Variants in HSPBP1 observed in about 807,000 individuals in gnomAD.
HSPBP1 encodes the protein hsp70-binding protein 1.
HSPBP1 carries 31 observed loss-of-function variants against 41.7 expected under a neutral mutation model. That is an observed-to-expected ratio of 0.74 (90% CI 0.56 to 1.00). The LOEUF (loss-of-function observed/expected upper bound fraction) is 1.00. Among genes scored for constraint, HSPBP1 ranks in the 50% least tolerant of loss-of-function variants. The pLI is 0.00. For synonymous variants in HSPBP1, 199 were observed against 214.4 expected (o/e 0.93, Z 0.63); for missense variants, 439 against 487.9 (o/e 0.90, Z 0.94).
rs1203813893 is a variant in HSPBP1, at chr19:55,268,741, TCACTGCGACATACGTCTCTC to T, written c.641-2475_641-2456del. On this transcript the variant is annotated intron_variant, in intron 4 of 7. Coordinates refer to ENST00000433386, the MANE Select transcript of HSPBP1 (RefSeq NM_012267.5). The surrounding 1 kb of genome is among the most constrained non-coding windows in gnomAD (Gnocchi z 4.5). ...AGGCTGGAGTGCAGTGGCAGTTGGC[TCACTGCGACATACGTCTCTC>T]GGGTTCAAGCAATTTTTATGCCTCA... 1.3e-3 allele frequency among the ~76,000 whole-genome samples: 193 copies of T among 152,284 alleles called. 2 individuals are homozygous for T. In the East Asian group the frequency reaches 0.021, roughly 17 times the overall value.
In HSPBP1 at chr19:55,268,750, C is replaced by T. The variant is rs1254704690; in HGVS notation, c.641-2464G>A. ...TGCAGTGGCAGTTGGCTCACTGCGA[C>T]ATACGTCTCTCGGGTTCAAGCAATT... On this transcript the variant is annotated intron_variant, in intron 4 of 7. Transcript: ENST00000433386. This position sits in a 1 kb window ranked among gnomAD's most constrained non-coding sequence, Gnocchi z 4.5. 1.3e-5 allele frequency among the ~76,000 whole-genome samples: 2 copies of T among 151,768 alleles called. No homozygotes were observed. Among genetic ancestry groups the T allele is most frequent in the Non-Finnish European group, 2.9e-5 (2 of 68,038 alleles).
At chr19:55,273,199 A>T (rs2087971237) in intron 4 of HSPBP1, among the ~76,000 whole-genome samples, 1 of 152,156 alleles carries the variant, frequency 6.6e-6, no homozygotes, top group Non-Finnish European at 1.5e-5. Context: ...TATGTTGCCC[A>T]GGCTGGTCTC....
In HSPBP1 at chr19:55,279,452, T is replaced by C. The variant is rs980776973; in HGVS notation, c.157A>G (p.Ile53Val). 3 of 1,605,264 alleles carry C rather than the reference T, an allele frequency of 1.9e-6. No individual in the cohort carries two copies. The highest frequency in any genetic ancestry group is 3.6e-5 in the Admixed American group (2 of 55,900). ...RNLQGLLQMA[I>V]TAGSEEPDPP... is the part of the protein sequence containing the mutation. The stretch of plus-strand genomic sequence containing the variant: ...TCTGGCTCTTCAGAGCCCGCGGTGA[T>C]GGCCATCTGCAGCAAGCCTTGGAGG... Residue 53 changes from isoleucine to valine, a missense_variant, in exon 2 of 8, where the codon ATC (isoleucine) becomes GTC (valine). Transcript: ENST00000433386.
At chr19:55,266,628 A>T (rs1239596883) in intron 4 of HSPBP1, among the ~76,000 whole-genome samples, 2 of 146,324 alleles carry the variant, frequency 1.4e-5, no homozygotes, top group African/African-American at 5.1e-5. Flanking sequence ...CACTACCATT[A>T]ACAATATAAT....
intron 3 of HSPBP1, among the ~76,000 whole-genome samples, chr19:55,276,164 C>T (rs2122875986): frequency 6.6e-6 from 1 of 151,218 alleles, no homozygotes; most frequent in East Asian, 1.9e-4. Flanking sequence ...CATGGGCACG[C>T]CGCCTTTAGC....
chr19:55,273,156 AT>A (rs1231538895), intron 4 of HSPBP1, among the ~76,000 whole-genome samples: 1 of 151,990 alleles, frequency 6.6e-6, no homozygotes, highest in African/African-American at 2.4e-5. Context: ...CGTCCAGCTA[AT>A]TTTTTAATTT....
chr19:55,272,197 A>G lies in HSPBP1; in HGVS notation c.640+2201T>C, dbSNP rs1007956555. On this transcript the variant is annotated intron_variant, in intron 4 of 7. Transcript: ENST00000433386. This position sits in a 1 kb window ranked among gnomAD's most constrained non-coding sequence, Gnocchi z 4.2. Reference sequence around the variant, plus strand: ...CAAATGTCCATAAAAACACCTGCGCAGCTATGTCCACAGGAGCACGAGAGC... The same window carrying G: ...CAAATGTCCATAAAAACACCTGCGCGGCTATGTCCACAGGAGCACGAGAGC... Among the ~76,000 whole-genome samples the G allele has an allele frequency of 3.3e-5, 5 of 152,244 alleles. No individual in the cohort carries two copies. Among genetic ancestry groups the G allele is most frequent in the African/African-American group, 1.2e-4 (5 of 41,472 alleles).
At chr19:55,274,345 GCA>G in intron 4 of HSPBP1, 51 bp downstream of exon 4, 3 of 552,678 alleles carry the variant, frequency 5.4e-6, no homozygotes, top group South Asian at 1.9e-5. Context: ...GGCCCACCCG[GCA>G]CCCCCCCCCA....
intron 7 of HSPBP1, among the ~76,000 whole-genome samples, chr19:55,263,855 T>C (rs1207510342): frequency 6.6e-6 from 1 of 152,212 alleles, no homozygotes; most frequent in Admixed American, 6.5e-5. Flanking sequence ...TCTTGTATTT[T>C]CAACCATGTG....
chr19:55,270,623 T>C lies in HSPBP1; in HGVS notation c.640+3775A>G, dbSNP rs1404617838. Among the ~76,000 whole-genome samples the C allele has an allele frequency of 2.0e-5, 3 of 152,126 alleles. No homozygotes were observed. The highest frequency in any genetic ancestry group is 2.9e-5 in the Non-Finnish European group (2 of 68,010). On this transcript the variant is annotated intron_variant, in intron 4 of 7. Coordinates refer to ENST00000433386, the MANE Select transcript of HSPBP1 (RefSeq NM_012267.5). The surrounding 1 kb of genome is among the most constrained non-coding windows in gnomAD (Gnocchi z 5.4). ...AAGGTGCGCCACAGTCAGGATGGCCTGTGCCAGCCGTGCACATCTGAGGAA... is the reference window on the plus strand; with the variant it reads ...AAGGTGCGCCACAGTCAGGATGGCCCGTGCCAGCCGTGCACATCTGAGGAA...
rs980503584 is a variant in HSPBP1, at chr19:55,262,341, A to G, written c.*267T>C. 106 of 1,282,624 alleles carry G rather than the reference A, an allele frequency of 8.3e-5. No homozygotes were observed. Among genetic ancestry groups the G allele is most frequent in the Non-Finnish European group, 9.8e-5 (99 of 1,006,908 alleles). The allele number at this position is 1,282,624 out of a possible 1,614,324, so 79.5% of individuals were successfully genotyped here. A position where few individuals can be genotyped will look rare whatever the true frequency, so the allele number is the denominator to read the frequency against. On this transcript the variant is annotated 3_prime_UTR_variant, in exon 8 of 8. Coordinates refer to ENST00000433386, the MANE Select transcript of HSPBP1 (RefSeq NM_012267.5). ...AAAGGAGATGACAAAGGCGGCAGTGAAGGAGGAGAAGGAGGAAGAGAAACA... is the reference window on the plus strand; with the variant it reads ...AAAGGAGATGACAAAGGCGGCAGTGGAGGAGGAGAAGGAGGAAGAGAAACA...
chr19:55,278,888 G>A (rs1383739408), intron 2 of HSPBP1, among the ~76,000 whole-genome samples: 1 of 147,250 alleles, frequency 6.8e-6, no homozygotes, highest in African/African-American at 2.5e-5. Context: ...CACTCCAGCC[G>A]AGACTGTGTC....
intron 4 of HSPBP1, 54 bp downstream of exon 4, chr19:55,274,344 G>GCCCCCCCCCC: frequency 6.8e-6 from 2 of 293,904 alleles, no homozygotes; most frequent in East Asian, 7.3e-5. Flanking sequence ...GGGCCCACCC[G>GCCCCCCCCCC]GCACCCCCCC....
At chr19:55,264,966 G>T (rs2087733236) in intron 7 of HSPBP1, among the ~76,000 whole-genome samples, 1 of 151,084 alleles carries the variant, frequency 6.6e-6, no homozygotes, top group South Asian at 2.1e-4. Flanking sequence ...CACCCCCCAG[G>T]CCCCTCCCCC....
At position 55,270,775 on chromosome 19, in the gene HSPBP1, C is replaced by T. The variant is rs1018675403; in HGVS notation, c.640+3623G>A. On this transcript the variant is annotated intron_variant, in intron 4 of 7. Coordinates refer to ENST00000433386, the MANE Select transcript of HSPBP1 (RefSeq NM_012267.5). The surrounding 1 kb of genome is among the most constrained non-coding windows in gnomAD (Gnocchi z 5.4). ...CCCACACACGCCATGCACATCCACACACCACACATACGCACCACACATACA... is the reference window on the plus strand; with the variant it reads ...CCCACACACGCCATGCACATCCACATACCACACATACGCACCACACATACA... 6.6e-6 allele frequency among the ~76,000 whole-genome samples: 1 copy of T among 151,480 alleles called. No individual in the cohort carries two copies. Among genetic ancestry groups the T allele is most frequent in the Non-Finnish European group, 1.5e-5 (1 of 67,872 alleles).
intron 6 of HSPBP1, among the ~76,000 whole-genome samples, 173 bp from the exon 7 acceptor site, chr19:55,265,562 G>A (rs569619871): frequency 2.2e-4 from 33 of 152,162 alleles, no homozygotes; most frequent in African/African-American, 6.7e-4. Flanking sequence ...CTGGCCCAGG[G>A]TGGGTGCTGA....
chr19:55,263,959 G>A (rs1199889640), intron 7 of HSPBP1, among the ~76,000 whole-genome samples: 1 of 148,872 alleles, frequency 6.7e-6, no homozygotes, highest in Non-Finnish European at 1.5e-5. Flanking sequence ...AACTTCTCAT[G>A]TAGTACACTT....
In HSPBP1 at chr19:55,277,611, G is replaced by T. The variant is rs79078331; in HGVS notation, c.415+31C>A. ...GAGGCAGCAGGACATGTACAGAGGG[G>T]CAGAACGTCCTGGCGGGGGAAGCGG... On this transcript the variant is annotated intron_variant, in intron 3 of 7. Coordinates refer to ENST00000433386, the MANE Select transcript of HSPBP1 (RefSeq NM_012267.5). The T allele has an allele frequency of 3.1e-4, 495 of 1,584,110 alleles. 3 individuals carry two copies. The African/African-American group carries it at 6.0e-3, about 19-fold the overall frequency.
At chr19:55,275,905 G>A (rs570999646) in intron 3 of HSPBP1, among the ~76,000 whole-genome samples, 5 of 149,454 alleles carry the variant, frequency 3.3e-5, no homozygotes, top group Admixed American at 2.0e-4. Flanking sequence ...CTGAGATCGC[G>A]CCATTGCACT....
Sources: gnomAD v4.1 joint callset for allele counts (sites outside exome capture counted in the v4.1 genomes callset) on GRCh38, gnomAD v4.1.1 for gene constraint, Gnocchi (gnomAD v3.1) non-coding constraint, MANE v1.5 for transcripts, NCBI Gene and HGNC (gene_info 2026-07-23, HGNC 2026-07-21) for gene names.